Variants in CACNA1I observed in about 807,000 individuals in gnomAD.
The protein encoded by CACNA1I is calcium voltage-gated channel subunit alpha1 I, also known as voltage-dependent T-type calcium channel subunit alpha-1I.
CACNA1I carries 74 observed loss-of-function variants against 201.6 expected under a neutral mutation model. The observed-to-expected ratio is 0.37, with a 90% CI of 0.30 to 0.45. The LOEUF is 0.45. Among genes scored for constraint, CACNA1I ranks in the 20% least tolerant of loss-of-function variants. CACNA1I has a pLI of 1.00. For synonymous variants in CACNA1I, 1,431 were observed against 1,345.2 expected (o/e 1.06, Z -1.40); for missense variants, 2,346 against 3,138.1 (o/e 0.75, Z 6.03).
intron 1 of CACNA1I, among the ~76,000 whole-genome samples, chr22:39,581,429 G>A (rs1039797190): frequency 1.3e-5 from 2 of 152,188 alleles, no homozygotes; most frequent in African/African-American, 4.8e-5. Flanking sequence ...GTGTGGATGA[G>A]GGGCCTTTTG....
intron 2 of CACNA1I, among the ~76,000 whole-genome samples, chr22:39,599,368 C>G (rs1308616452): frequency 4.4e-4 from 64 of 145,076 alleles, no homozygotes; most frequent in Non-Finnish European, 8.7e-4. Context: ...GCCTGTAATC[C>G]CAGCACTTTG....
At chr22:39,573,210 T>C (rs923255537) in intron 1 of CACNA1I, among the ~76,000 whole-genome samples, 4 of 152,120 alleles carry the variant, frequency 2.6e-5, no homozygotes, top group African/African-American at 9.7e-5. Flanking sequence ...AATTTCACAA[T>C]GTCTCAGGGG....
chr22:39,619,443 T>A (rs1481940438), intron 4 of CACNA1I, 36 bp downstream of exon 4: 2 of 1,530,738 alleles, frequency 1.3e-6, no homozygotes, highest in East Asian at 4.5e-5. Context: ...CATTCCTGGC[T>A]GATCCATCCC....
rs760761301 is a variant in CACNA1I at position 39,649,679 on chromosome 22, C to T, written c.1746C>T (p.Ser582=). The change falls in exon 10 of 37, where the codon TCC becomes TCT. Residue 582 remains serine, a synonymous_variant. Coordinates refer to ENST00000402142, the MANE Select transcript of CACNA1I (RefSeq NM_021096.4). The surrounding 1 kb of genome is among the most constrained non-coding windows in gnomAD (Gnocchi z 7.3). ...AGGAGGGCTCGGGCTCCGGGAGCTCCGCTGGTGGCGAGGACGAGGCGGATG... is the reference window on the plus strand; with the variant it reads ...AGGAGGGCTCGGGCTCCGGGAGCTCTGCTGGTGGCGAGGACGAGGCGGATG... The part of the protein sequence containing the change: ...SGQEGSGSGS[S]AGGEDEADGD... The T allele has an allele frequency of 2.2e-5, 33 of 1,514,582 alleles. No homozygotes were observed. The highest frequency in any genetic ancestry group is 2.9e-5 in the Non-Finnish European group (33 of 1,127,866). The allele number at this position is 1,514,582 out of a possible 1,614,324, so 93.8% of individuals were successfully genotyped here.
intron 1 of CACNA1I, among the ~76,000 whole-genome samples, chr22:39,582,388 C>A (rs1932584034): frequency 6.6e-6 from 1 of 152,090 alleles, no homozygotes; most frequent in African/African-American, 2.4e-5. Context: ...GGAGGATGTG[C>A]TACTGGTTTC....
intron 4 of CACNA1I, among the ~76,000 whole-genome samples, chr22:39,623,514 A>C (rs1159483502): frequency 1.4e-5 from 2 of 146,878 alleles, no homozygotes; most frequent in African/African-American, 5.1e-5. Flanking sequence ...ATGCCTATGA[A>C]TATGTTCATG....
At chr22:39,582,912 T>TCATCCATCTAACCATCCATC (rs1932604616) in intron 1 of CACNA1I, among the ~76,000 whole-genome samples, 3 of 140,700 alleles carry the variant, frequency 2.1e-5, no homozygotes, top group East Asian at 4.5e-4. Flanking sequence ...AACCATCCAT[T>TCATCCATCTAACCATCCATC]CATCCATCTA....
chr22:39,620,012 T>TATCCATCCATCC (rs564900279), intron 4 of CACNA1I, among the ~76,000 whole-genome samples: 16,500 of 92,772 alleles, frequency 0.18, 1,858 homozygotes, highest in African/African-American at 0.21. Context: ...TCCACCTGTC[T>TATCCATCCATCC]ATCCATCCAT....
In CACNA1I at chr22:39,688,102, G is replaced by A. The variant is rs1469203131; in HGVS notation, c.*1697G>A. ...TGCGCCCTTCCCTTTTGGGCTGAGG[G>A]AGAGGGGGCCGGGAGGGGTTGTCAA... On this transcript the variant is annotated 3_prime_UTR_variant, in exon 37 of 37. Coordinates refer to ENST00000402142, the MANE Select transcript of CACNA1I (RefSeq NM_021096.4). This position sits in a 1 kb window ranked among gnomAD's most constrained non-coding sequence, Gnocchi z 4.8. 2 of 152,212 alleles carry A rather than the reference G, an allele frequency of 1.3e-5. No homozygotes were observed. The highest frequency in any genetic ancestry group is 2.4e-5 in the African/African-American group (1 of 41,450). The allele number at this position is 152,212 out of a possible 1,614,324, so 9.4% of individuals were successfully genotyped here. A position where few individuals can be genotyped will look rare whatever the true frequency, so the allele number is the denominator to read the frequency against.
At chr22:39,635,346 G>GT (rs969321792) in intron 5 of CACNA1I, among the ~76,000 whole-genome samples, 20 of 151,928 alleles carry the variant, frequency 1.3e-4, no homozygotes, top group African/African-American at 4.9e-4. Flanking sequence ...AGAAGGGGGG[G>GT]GGTCCCTGCC....
intron 4 of CACNA1I, among the ~76,000 whole-genome samples, chr22:39,628,424 T>G: frequency 2.7e-5 from 4 of 149,578 alleles, no homozygotes; most frequent in South Asian, 2.2e-4. Context: ...TGCCTAGGAG[T>G]GGTTTGGGGC....
Position 39,679,878 on chromosome 22 carries a change from G to A in CACNA1I, c.5541+10G>A. ...CCACGACAAGCAAGAGGTAATGGCA[G>A]CCCGGGAGGCCTGGCCCCTTGTGGC... On this transcript the variant is annotated intron_variant, in intron 33 of 36. Coordinates refer to ENST00000402142, the MANE Select transcript of CACNA1I (RefSeq NM_021096.4). The A allele has an allele frequency of 6.2e-7, 1 of 1,608,990 alleles. No individual in the cohort carries two copies. The highest frequency in any genetic ancestry group is 8.5e-7 in the Non-Finnish European group (1 of 1,177,822).
At position 39,651,491 on chromosome 22, in the gene CACNA1I, G is replaced by T. The variant is rs1934647668; in HGVS notation, c.1992+1566G>T. Among the ~76,000 whole-genome samples, 3 of 152,216 alleles carry T rather than the reference G, an allele frequency of 2.0e-5. No individual in the cohort carries two copies. The South Asian group carries it at 6.2e-4, about 31-fold the overall frequency. ...CGAGAGGGCTCTCTGCAGGGGGAGAGCTGGTGAGACAGGGCCCCCAGGACC... is the reference window on the plus strand; with the variant it reads ...CGAGAGGGCTCTCTGCAGGGGGAGATCTGGTGAGACAGGGCCCCCAGGACC... On this transcript the variant is annotated intron_variant, in intron 10 of 36. Coordinates refer to ENST00000402142, the MANE Select transcript of CACNA1I (RefSeq NM_021096.4).
At position 39,670,094 on chromosome 22, in the gene CACNA1I, C is replaced by G; in HGVS notation, c.4251C>G (p.Ile1417Met). The G allele has an allele frequency of 6.2e-7, 1 of 1,613,612 alleles. No individual in the cohort carries two copies. The highest frequency in any genetic ancestry group is 2.2e-5 in the East Asian group (1 of 44,886). ...MLLYFISFLL[I>M]VSFFVLNMFV... ...TGTACTTCATCTCCTTCCTGCTCAT[C>G]GTCAGCTTCTTTGTGCTCAACATGT... is the stretch of plus-strand genomic sequence containing the variant. The change falls in exon 25 of 37, where the codon ATC (isoleucine) becomes ATG (methionine). Residue 1417 changes from isoleucine to methionine, a missense_variant. Around this residue, in one of 13 missense-constraint regions of CACNA1I, gnomAD observed 228 missense variants for 395.7 expected, o/e 0.58. Transcript: ENST00000402142.
At chr22:39,673,941 C>T in intron 28 of CACNA1I, 22 bp from the exon 29 acceptor site, 1 of 1,610,324 alleles carries the variant, frequency 6.2e-7, no homozygotes. Context: ...GCTGAGTGGG[C>T]AGGGCTGGGT....
intron 3 of CACNA1I, among the ~76,000 whole-genome samples, chr22:39,606,305 C>T (rs975062849): frequency 3.3e-5 from 5 of 152,206 alleles, no homozygotes; most frequent in Non-Finnish European, 5.9e-5. Flanking sequence ...CACCCTGGAA[C>T]TAAAAGTTGG....
intron 5 of CACNA1I, among the ~76,000 whole-genome samples, chr22:39,639,295 T>A (rs1429779195): frequency 6.6e-6 from 1 of 152,224 alleles, no homozygotes; most frequent in African/African-American, 2.4e-5. Context: ...AATTTGTTGC[T>A]TGTCTTTTTA....
intron 3 of CACNA1I, among the ~76,000 whole-genome samples, chr22:39,605,830 C>G (rs879884088): frequency 3.3e-5 from 5 of 151,526 alleles, no homozygotes; most frequent in Non-Finnish European, 7.4e-5. Flanking sequence ...ATGCAGGAGG[C>G]CTGAGGGGGT....
At chr22:39,578,242 C>T (rs1307100720) in intron 1 of CACNA1I, among the ~76,000 whole-genome samples, 3 of 152,204 alleles carry the variant, frequency 2.0e-5, no homozygotes, top group African/African-American at 4.8e-5. Flanking sequence ...GTCACTTAGC[C>T]CCTGCCCCTG....
Sources: gnomAD v4.1 joint callset for allele counts (sites outside exome capture counted in the v4.1 genomes callset) on GRCh38, gnomAD v4.1.1 for gene constraint, gnomAD v4.1.1 regional missense constraint, Gnocchi (gnomAD v3.1) non-coding constraint, MANE v1.5 for transcripts, NCBI Gene and HGNC (gene_info 2026-07-23, HGNC 2026-07-21) for gene names.